PRKCA: variants seen among roughly 807,000 people sequenced by gnomAD.
The protein encoded by PRKCA is protein kinase C alpha.
A neutral mutation model predicts 87.0 loss-of-function variants in PRKCA; 27 were observed. The ratio of observed to expected loss-of-function variants is 0.31; its 90% confidence interval spans 0.23 to 0.43. PRKCA has a LOEUF of 0.43. Ranked by LOEUF, PRKCA falls within the 20% of genes least tolerant of loss-of-function variation. The probability of loss-of-function intolerance (pLI) is 1.00; values close to 1 mark genes in which losing one functional copy is unlikely to be tolerated. For missense variants in PRKCA, 518 were observed against 852.3 expected, an observed-to-expected ratio of 0.61 and a Z score of 4.88; for synonymous variants, 329 against 311.1, an observed-to-expected ratio of 1.06 and a Z score of -0.61.
intron 3 of PRKCA, among the ~76,000 whole-genome samples, chr17:66,546,934 C>T (rs574508443): frequency 6.6e-6 from 1 of 152,144 alleles, no homozygotes; most frequent in East Asian, 1.9e-4. Flanking sequence ...ACTTGTATTT[C>T]CCCTCATTTT....
At chr17:66,354,070 A>G (rs1182478813) in intron 2 of PRKCA, among the ~76,000 whole-genome samples, 1 of 152,122 alleles carries the variant, frequency 6.6e-6, no homozygotes, top group Non-Finnish European at 1.5e-5. Context: ...AGTTTGTGTC[A>G]TCTGTTTTGT....
chr17:66,582,438 G>T (rs141423379), intron 3 of PRKCA, among the ~76,000 whole-genome samples: 1 of 152,186 alleles, frequency 6.6e-6, no homozygotes, highest in Non-Finnish European at 1.5e-5. Context: ...TCATGGGGGC[G>T]GTTCCCCCCA....
In PRKCA at chr17:66,752,459, G is replaced by C. The variant is rs113990494; in HGVS notation, c.1524+9699G>C. Among the ~76,000 whole-genome samples the C allele has an allele frequency of 3.2e-4, 48 of 152,228 alleles. 1 individual carries two copies. Among genetic ancestry groups the C allele is most frequent in the African/African-American group, 1.1e-3 (47 of 41,540 alleles). On this transcript the variant is annotated intron_variant, in intron 13 of 16. Transcript: ENST00000413366. ...AAAATACAAAAAATTAGCTGGGTGTGGTGGTGGGCACCTGTGTAGTCCCAG... is the reference window on the plus strand; with the variant it reads ...AAAATACAAAAAATTAGCTGGGTGTCGTGGTGGGCACCTGTGTAGTCCCAG...
intron 3 of PRKCA, among the ~76,000 whole-genome samples, chr17:66,511,828 A>G (rs1331607469): frequency 3.3e-5 from 5 of 151,822 alleles, no homozygotes; most frequent in African/African-American, 9.7e-5. Flanking sequence ...TTACAGGTGC[A>G]CACCACCACA....
chr17:66,482,400 C>T (rs1460074564), intron 2 of PRKCA, among the ~76,000 whole-genome samples: 2 of 152,118 alleles, frequency 1.3e-5, no homozygotes, highest in Non-Finnish European at 2.9e-5. Context: ...CACCTAGAGT[C>T]CTTCAGGGAT....
rs185897303 is a variant in PRKCA, at chr17:66,674,779, G to A, written c.530-12332G>A. ...AGAATATGATTTTGTTGTTGCTTCT[G>A]GCCAAATGATTCCAGTGAATCAGTC... On this transcript the variant is annotated intron_variant, in intron 5 of 16. Transcript: ENST00000413366. Among the ~76,000 whole-genome samples, 147 of 152,324 alleles carry A rather than the reference G, an allele frequency of 9.7e-4. 1 individual carries two copies. The highest frequency in any genetic ancestry group is 3.2e-3 in the African/African-American group (135 of 41,572).
At chr17:66,357,035 T>C (rs760158481) in intron 2 of PRKCA, among the ~76,000 whole-genome samples, 4 of 152,196 alleles carry the variant, frequency 2.6e-5, no homozygotes, top group Non-Finnish European at 5.9e-5. Flanking sequence ...CTGGGGATTA[T>C]AGGCGTGAGC....
intron 2 of PRKCA, among the ~76,000 whole-genome samples, chr17:66,356,018 C>G (rs1179093284): frequency 7.2e-5 from 11 of 152,072 alleles, no homozygotes; most frequent in Admixed American, 6.5e-4. Context: ...CCTGCCTCAG[C>G]CTCCCGAGTA....
intron 2 of PRKCA, among the ~76,000 whole-genome samples, chr17:66,451,590 G>A (rs78789766): frequency 0.023 from 3,454 of 152,172 alleles, 126 homozygotes; most frequent in African/African-American, 0.078. Context: ...AGGGTTGACC[G>A]GGTATTTTGG....
At chr17:66,706,012 C>T (rs534673323) in intron 8 of PRKCA, among the ~76,000 whole-genome samples, 13 of 152,216 alleles carry the variant, frequency 8.5e-5, no homozygotes, top group African/African-American at 2.9e-4. Flanking sequence ...GAGGAAGTGG[C>T]GAGCAGCTTG....
intron 2 of PRKCA, among the ~76,000 whole-genome samples, chr17:66,473,225 T>C (rs938959201): frequency 2.0e-5 from 3 of 152,198 alleles, no homozygotes; most frequent in African/African-American, 7.2e-5. Context: ...CTGGTGCTTG[T>C]ACCTGCTCCC....
chr17:66,510,378 C>T (rs949613695), intron 3 of PRKCA, among the ~76,000 whole-genome samples: 7 of 152,140 alleles, frequency 4.6e-5, no homozygotes, highest in African/African-American at 1.7e-4. Flanking sequence ...GCTGTGTGAC[C>T]AGAATCTCTT....
At chr17:66,468,089 T>G (rs557439186) in intron 2 of PRKCA, among the ~76,000 whole-genome samples, 77 of 152,282 alleles carry the variant, frequency 5.1e-4, no homozygotes, top group African/African-American at 1.8e-3. Flanking sequence ...GCAACTAAAA[T>G]ACAAAGTGAA....
chr17:66,464,066 T>C (rs1198314632), intron 2 of PRKCA, among the ~76,000 whole-genome samples: 3 of 152,208 alleles, frequency 2.0e-5, no homozygotes, highest in African/African-American at 4.8e-5. Context: ...TAGCATCCAT[T>C]GATCCTTCTA....
chr17:66,804,252 C>G lies in PRKCA; in HGVS notation c.*215C>G, dbSNP rs1975973715. On this transcript the variant is annotated 3_prime_UTR_variant, in exon 17 of 17. Coordinates refer to ENST00000413366, the MANE Select transcript of PRKCA (RefSeq NM_002737.3). ...TCTTAGTGGAAGATGGTACGTCATG[C>G]TCAGTGTCCAGTTTAATTCTGTAGA... 1.7e-6 allele frequency: 1 copy of G among 585,658 alleles called. No individual in the cohort carries two copies. Among genetic ancestry groups the G allele is most frequent in the Admixed American group, 3.5e-5 (1 of 28,430 alleles). 36.3% of individuals were successfully genotyped at this position (585,658 alleles called of 1,614,324 possible). A position where few individuals can be genotyped will look rare whatever the true frequency, so the allele number is the denominator to read the frequency against.
rs534561059 is a variant in PRKCA, at chr17:66,520,707, T to C, written c.288+24424T>C. On this transcript the variant is annotated intron_variant, in intron 3 of 16. Transcript: ENST00000413366. ...TATTATTTAGAATTATACTTTCTCC[T>C]TGGGCTAAGGAAACAGTTGGCCACA... Among the ~76,000 whole-genome samples the C allele has an allele frequency of 2.0e-5, 3 of 152,348 alleles. No individual in the cohort carries two copies. The East Asian group carries it at 5.8e-4, about 29-fold the overall frequency.
At chr17:66,343,760 C>T (rs1907188220) in intron 2 of PRKCA, among the ~76,000 whole-genome samples, 1 of 152,100 alleles carries the variant, frequency 6.6e-6, no homozygotes, top group African/African-American at 2.4e-5. Flanking sequence ...AGGTTCTGAG[C>T]TTGCACAATA....
intron 2 of PRKCA, among the ~76,000 whole-genome samples, chr17:66,475,606 G>A (rs2144031162): frequency 1.3e-5 from 2 of 152,244 alleles, no homozygotes; most frequent in Middle Eastern, 3.4e-3. Flanking sequence ...TCGAGGTATG[G>A]AAAATGAAGC....
chr17:66,765,432 A>C (rs1408361367), intron 13 of PRKCA, among the ~76,000 whole-genome samples: 70 of 131,180 alleles, frequency 5.3e-4, no homozygotes, highest in Non-Finnish European at 6.5e-4. Flanking sequence ...ATATATATAT[A>C]TATATATATA....
Sources: gnomAD v4.1 joint callset for allele counts (sites outside exome capture counted in the v4.1 genomes callset) on GRCh38, gnomAD v4.1.1 for gene constraint, MANE v1.5 for transcripts, NCBI Gene and HGNC (gene_info 2026-07-23, HGNC 2026-07-21) for gene names.